EXPH5: variants seen among roughly 807,000 people sequenced by gnomAD.
The protein encoded by EXPH5 is exophilin 5.
In EXPH5, 42 loss-of-function variants were observed where a neutral mutation model predicts 41.1. That is an observed-to-expected ratio of 1.02 (90% CI 0.80 to 1.32). The LOEUF is 1.32. Among genes scored for constraint, EXPH5 ranks in the 40% most tolerant of loss-of-function variants. The pLI is 0.00. For missense variants in EXPH5, 2,298 were observed against 2,314.5 expected, an observed-to-expected ratio of 0.99 and a Z score of 0.15; for synonymous variants, 798 against 833.5, an observed-to-expected ratio of 0.96 and a Z score of 0.73.
At chr11:108,534,142 G>A (rs544710109) in intron 3 of EXPH5, among the ~76,000 whole-genome samples, 21 of 152,270 alleles carry the variant, frequency 1.4e-4, no homozygotes, top group African/African-American at 3.1e-4. Flanking sequence ...CAAAATCACC[G>A]TTGGTTGAAA....
intron 1 of EXPH5, among the ~76,000 whole-genome samples, chr11:108,544,463 G>A (rs114272381): frequency 6.6e-6 from 1 of 152,166 alleles, no homozygotes; most frequent in African/African-American, 2.4e-5. Context: ...CCACAATGCC[G>A]AGCCCTGACT....
In EXPH5 at chr11:108,510,634, T is replaced by C. The variant is rs201519183; in HGVS notation, c.4873A>G (p.Ser1625Gly). ...HVATIFPQSG[S>G]RSGFDHLSLG... ...GATAAATGGTCAAAGCCAGATCTGC[T>C]TCCACTTTGGGGGAAGATAGTAGCT... Residue 1625 changes from serine to glycine, a missense_variant, in exon 6 of 6, where the codon AGC becomes GGC. By Grantham distance (56) the Ser-to-Gly change is moderately conservative. Coordinates refer to ENST00000265843, the MANE Select transcript of EXPH5 (RefSeq NM_015065.3). The C allele has an allele frequency of 1.9e-5, 30 of 1,614,062 alleles. 1 individual carries two copies. The highest frequency in any genetic ancestry group is 2.5e-5 in the Non-Finnish European group (30 of 1,180,036).
intron 1 of EXPH5, among the ~76,000 whole-genome samples, chr11:108,546,074 G>A (rs1441153717): frequency 6.6e-6 from 1 of 152,040 alleles, no homozygotes; most frequent in Non-Finnish European, 1.5e-5. Context: ...TTTCCAGGCA[G>A]AGGGGTAGCC....
intron 1 of EXPH5, among the ~76,000 whole-genome samples, chr11:108,583,246 G>A (rs1174047214): frequency 6.6e-6 from 1 of 151,968 alleles, no homozygotes; most frequent in African/African-American, 2.4e-5. Flanking sequence ...GCCGGGCGTG[G>A]TGGCGGGCTC....
At chr11:108,582,981 A>G (rs1159914280) in intron 1 of EXPH5, among the ~76,000 whole-genome samples, 1 of 152,210 alleles carries the variant, frequency 6.6e-6, no homozygotes, top group Admixed American at 6.5e-5. Flanking sequence ...GTAAGGTCAC[A>G]TTCTGAGGTA....
intron 4 of EXPH5, among the ~76,000 whole-genome samples, chr11:108,526,578 G>C: frequency 6.6e-6 from 1 of 152,212 alleles, no homozygotes; most frequent in South Asian, 2.1e-4. Flanking sequence ...TGTCCTCTCA[G>C]AGGGCAAAGC....
intron 3 of EXPH5, 68 bp downstream of exon 3, chr11:108,538,956 C>A: frequency 7.5e-7 from 1 of 1,341,520 alleles, no homozygotes; most frequent in African/African-American, 1.5e-5. Flanking sequence ...ATTTTGAACA[C>A]AAAACAGGCT....
At chr11:108,577,762 T>C (rs577945855) in intron 1 of EXPH5, among the ~76,000 whole-genome samples, 3 of 152,286 alleles carry the variant, frequency 2.0e-5, no homozygotes, top group South Asian at 4.1e-4. Context: ...TGATATTTCA[T>C]TGTAGTTTTG....
chr11:108,535,531 G>A (rs2093873613), intron 3 of EXPH5, among the ~76,000 whole-genome samples: 1 of 152,154 alleles, frequency 6.6e-6, no homozygotes, highest in Non-Finnish European at 1.5e-5. Flanking sequence ...ACGAGCAAGA[G>A]TACACAGTGG....
chr11:108,513,012 T>A lies in EXPH5; in HGVS notation c.2495A>T (p.Glu832Val), dbSNP rs1225613007. ...AATATCTTCATTATTTACAGTTAAT[T>A]CCTGGTGACAACCTTGGTCTGTCCT... Reference protein sequence around the residue: ...FPRTDQGCHQELTVNNEDISR... With the variant: ...FPRTDQGCHQVLTVNNEDISR... The change falls in exon 6 of 6, where the codon GAA becomes GTA. Residue 832 changes from glutamate (E) to valine (V), a missense_variant. Glu to Val is a moderately radical substitution (Grantham distance 121). Transcript: ENST00000265843. The A allele has an allele frequency of 6.2e-7, 1 of 1,613,940 alleles. No individual in the cohort carries two copies. Among genetic ancestry groups the A allele is most frequent in the Non-Finnish European group, 8.5e-7 (1 of 1,179,976 alleles).
At chr11:108,538,925 T>A (rs2093896268) in intron 3 of EXPH5, 99 bp downstream of exon 3, 1 of 1,097,640 alleles carries the variant, frequency 9.1e-7, no homozygotes. Context: ...TGAATTGAAA[T>A]TCTAAGAACA....
At chr11:108,559,906 C>A (rs966968930) in intron 1 of EXPH5, among the ~76,000 whole-genome samples, 2 of 152,138 alleles carry the variant, frequency 1.3e-5, no homozygotes, top group Admixed American at 1.3e-4. Flanking sequence ...TTAATTCACC[C>A]TTTGTATCAT....
chr11:108,582,293 T>A (rs1464881912), intron 1 of EXPH5, among the ~76,000 whole-genome samples: 1 of 151,844 alleles, frequency 6.6e-6, no homozygotes, highest in African/African-American at 2.4e-5. Context: ...TGAAACCCTG[T>A]CTCCACTAAA....
intron 1 of EXPH5, among the ~76,000 whole-genome samples, chr11:108,583,862 A>G (rs542150250): frequency 6.6e-6 from 1 of 152,264 alleles, no homozygotes; most frequent in South Asian, 2.1e-4. Context: ...GGAAAGGAAA[A>G]AATAAAACCA....
rs1030547226 is a variant in EXPH5, at chr11:108,557,453, C to T, written c.120-15641G>A. 3.9e-5 allele frequency among the ~76,000 whole-genome samples: 6 copies of T among 152,170 alleles called. No homozygotes were observed. In the South Asian group the frequency reaches 6.2e-4, roughly 16 times the overall value. ...CCGCCTCCTGGGTTCAGGGAATTCT[C>T]GTGTCTCAGCCTCCCTAGCATAGCT... On this transcript the variant is annotated intron_variant, in intron 1 of 5. Coordinates refer to ENST00000265843, the MANE Select transcript of EXPH5 (RefSeq NM_015065.3).
rs2093701504 is a variant in EXPH5, at chr11:108,513,806, A to T, written c.1701T>A (p.His567Gln). The stretch of plus-strand genomic sequence containing the variant: ...GAGGAGTCAACTGGGTCTCATTACC[A>T]TGTGATACCACCATGCTATCCAGTG... ...RSTLDSMVVS[H>Q]GNETQLTPHF... The change falls in exon 6 of 6, where the codon CAT (histidine) becomes CAA (glutamine). Residue 567 changes from histidine to glutamine, a missense_variant. His to Gln is a conservative substitution (Grantham distance 24). Transcript: ENST00000265843. 2 of 1,601,544 alleles carry T rather than the reference A, an allele frequency of 1.2e-6. No homozygotes were observed. The highest frequency in any genetic ancestry group is 1.7e-6 in the Non-Finnish European group (2 of 1,175,134).
rs768345129 is a variant in EXPH5, at chr11:108,511,221, G to T, written c.4286C>A (p.Ala1429Asp). Reference protein sequence around the residue: ...SSNSGPSSLPALSEVNIGNSQ... With the variant: ...SSNSGPSSLPDLSEVNIGNSQ... ...ATTTCCAATATTAACTTCTGAAAGAGCTGGAAGACTAGAGGGACCACTGTT... is the reference window on the plus strand; with the variant it reads ...ATTTCCAATATTAACTTCTGAAAGATCTGGAAGACTAGAGGGACCACTGTT... The change falls in exon 6 of 6, where the codon GCT (alanine) becomes GAT (aspartate). Residue 1429 changes from alanine to aspartate, a missense_variant. Ala to Asp is a moderately radical substitution (Grantham distance 126, BLOSUM62 -2). Coordinates refer to ENST00000265843, the MANE Select transcript of EXPH5 (RefSeq NM_015065.3). The T allele has an allele frequency of 6.2e-7, 1 of 1,613,326 alleles. No individual in the cohort carries two copies. The highest frequency in any genetic ancestry group is 2.2e-5 in the East Asian group (1 of 44,886).
At chr11:108,565,267 T>C (rs2094029852) in intron 1 of EXPH5, among the ~76,000 whole-genome samples, 1 of 152,124 alleles carries the variant, frequency 6.6e-6, no homozygotes, top group African/African-American at 2.4e-5. Flanking sequence ...CAGGTACCAT[T>C]TAAAATATTG....
At chr11:108,530,172 T>A (rs1182380366) in intron 3 of EXPH5, among the ~76,000 whole-genome samples, 1 of 152,206 alleles carries the variant, frequency 6.6e-6, no homozygotes, top group African/African-American at 2.4e-5. Context: ...AAATACTGGA[T>A]CTACTAATAA....
Sources: gnomAD v4.1 joint callset for allele counts (sites outside exome capture counted in the v4.1 genomes callset) on GRCh38, gnomAD v4.1.1 for gene constraint, MANE v1.5 for transcripts, NCBI Gene and HGNC (gene_info 2026-07-23, HGNC 2026-07-21) for gene names.